The following BNC2 variants were observed in gnomAD, a reference collection of about 807,000 sequenced individuals.
BNC2 encodes the protein zinc finger protein basonuclin-2.
Under a neutral mutation model 76.3 loss-of-function variants are expected in BNC2, and 20 were observed. That is an observed-to-expected ratio of 0.26 (90% CI 0.18 to 0.38). The LOEUF (loss-of-function observed/expected upper bound fraction) is 0.38. Ranked by LOEUF, BNC2 falls within the 10% of genes least tolerant of loss-of-function variation. The probability of loss-of-function intolerance (pLI) is 1.00; values close to 1 mark genes in which losing one functional copy is unlikely to be tolerated. For synonymous variants in BNC2, 582 were observed against 514.8 expected (o/e 1.13, Z -1.77); for missense variants, 1,382 against 1,399.8 (o/e 0.99, Z 0.20).
chr9:16,835,052 T>C (rs533965583), intron 1 of BNC2, among the ~76,000 whole-genome samples: 1 of 152,296 alleles, frequency 6.6e-6, no homozygotes, highest in East Asian at 1.9e-4. Context: ...GCTTCATTCC[T>C]CTAGTATCAC....
intron 3 of BNC2, among the ~76,000 whole-genome samples, chr9:16,604,472 C>A (rs79975355): frequency 3.3e-5 from 5 of 152,054 alleles, no homozygotes; most frequent in Admixed American, 3.3e-4. Context: ...GCTAAACCTA[C>A]GCTAAAAGCC....
chr9:16,523,820 G>A (rs1181598236), intron 5 of BNC2, among the ~76,000 whole-genome samples: 1 of 152,042 alleles, frequency 6.6e-6, no homozygotes, highest in East Asian at 1.9e-4. Context: ...CAGCTACTTG[G>A]GAGGCTGAGG....
chr9:16,426,605 A>G (rs1215972777), intron 6 of BNC2, among the ~76,000 whole-genome samples: 1 of 152,216 alleles, frequency 6.6e-6, no homozygotes, highest in Non-Finnish European at 1.5e-5. Context: ...TGAAAATGAA[A>G]CTAATAAAGA....
At chr9:16,816,760 G>T (rs1486919721) in intron 1 of BNC2, among the ~76,000 whole-genome samples, 3 of 152,142 alleles carry the variant, frequency 2.0e-5, no homozygotes, top group African/African-American at 7.2e-5. Flanking sequence ...CTCCAAACTG[G>T]GAGGCTCAGG....
intron 5 of BNC2, among the ~76,000 whole-genome samples, chr9:16,516,303 G>C (rs538335367): frequency 6.6e-6 from 1 of 150,776 alleles, no homozygotes; most frequent in Non-Finnish European, 1.5e-5. Context: ...TGCCGCCTCA[G>C]GTATCAGAAC....
intron 5 of BNC2, among the ~76,000 whole-genome samples, chr9:16,487,587 T>C (rs1261730412): frequency 6.6e-6 from 1 of 152,162 alleles, no homozygotes; most frequent in African/African-American, 2.4e-5. Flanking sequence ...GTCTGACTTA[T>C]AAAATACCAT....
At chr9:16,570,288 TAC>T (rs1819284437) in intron 4 of BNC2, among the ~76,000 whole-genome samples, 1 of 152,198 alleles carries the variant, frequency 6.6e-6, no homozygotes, top group African/African-American at 2.4e-5. Context: ...GAAATTATTA[TAC>T]TCAGTCTTGA....
chr9:16,506,761 T>G (rs750881950), intron 5 of BNC2, among the ~76,000 whole-genome samples: 1 of 151,452 alleles, frequency 6.6e-6, no homozygotes, highest in Non-Finnish European at 1.5e-5. Context: ...TTTTTTTGTT[T>G]GTTTGTTTGT....
chr9:16,584,572 T>C lies in BNC2; in HGVS notation c.331-1487A>G, dbSNP rs528453526. On this transcript the variant is annotated intron_variant, in intron 3 of 6. Transcript: ENST00000380672. ...ATTTAGCACTAGGGAAATATTTAATTGTATAATCTCCCTGATATTTCAGGA... is the reference window on the plus strand; with the variant it reads ...ATTTAGCACTAGGGAAATATTTAATCGTATAATCTCCCTGATATTTCAGGA... Among the ~76,000 whole-genome samples the C allele has an allele frequency of 1.2e-4, 18 of 152,324 alleles. No individual in the cohort carries two copies. In the South Asian group the frequency reaches 3.7e-3, roughly 32 times the overall value.
intron 1 of BNC2, among the ~76,000 whole-genome samples, chr9:16,814,743 T>C (rs1023905926): frequency 6.6e-6 from 1 of 152,188 alleles, no homozygotes; most frequent in Non-Finnish European, 1.5e-5. Context: ...TTCAACATAA[T>C]GTGCCAAATG....
intron 5 of BNC2, among the ~76,000 whole-genome samples, chr9:16,498,970 C>T (rs1014931517): frequency 6.6e-6 from 1 of 152,156 alleles, no homozygotes; most frequent in African/African-American, 2.4e-5. Context: ...AAATACTAGA[C>T]AGATTGAACA....
chr9:16,764,973 A>C (rs1825651801), intron 1 of BNC2, among the ~76,000 whole-genome samples: 1 of 152,120 alleles, frequency 6.6e-6, no homozygotes, highest in Non-Finnish European at 1.5e-5. Flanking sequence ...CATCTTCTGT[A>C]AGGATACGAA....
At chr9:16,475,840 A>C (rs1821917495) in intron 5 of BNC2, among the ~76,000 whole-genome samples, 1 of 152,232 alleles carries the variant, frequency 6.6e-6, no homozygotes, top group South Asian at 2.1e-4. Context: ...TACAATTCCA[A>C]GCTTTAAGCT....
chr9:16,834,805 TA>T (rs894225726), intron 1 of BNC2, among the ~76,000 whole-genome samples: 1 of 152,180 alleles, frequency 6.6e-6, no homozygotes, highest in African/African-American at 2.4e-5. Flanking sequence ...ATAAATGGAT[TA>T]AGAGATAGTG....
intron 3 of BNC2, among the ~76,000 whole-genome samples, chr9:16,603,541 A>G (rs930129825): frequency 6.6e-6 from 1 of 152,180 alleles, no homozygotes; most frequent in Non-Finnish European, 1.5e-5. Context: ...GAGACGCTAA[A>G]CATATAGTAC....
At chr9:16,728,323 G>C (rs1824410817) in intron 2 of BNC2, 1 of 417,942 alleles carries the variant, frequency 2.4e-6, no homozygotes, top group African/African-American at 2.0e-5. Flanking sequence ...CTGTTCCACT[G>C]TCAGGCACCA....
intron 5 of BNC2, 41 bp downstream of exon 5, chr9:16,552,489 G>T: frequency 6.4e-7 from 1 of 1,572,082 alleles, no homozygotes; most frequent in Non-Finnish European, 8.7e-7. Flanking sequence ...CCCACCCACA[G>T]TCGGCCCCGG....
chr9:16,657,266 T>A (rs762612439), intron 3 of BNC2, among the ~76,000 whole-genome samples: 1 of 151,998 alleles, frequency 6.6e-6, no homozygotes, highest in Non-Finnish European at 1.5e-5. Flanking sequence ...GATACAAAGA[T>A]GAACTAGAAA....
chr9:16,774,373 G>A (rs1257788349), intron 1 of BNC2, among the ~76,000 whole-genome samples: 1 of 152,188 alleles, frequency 6.6e-6, no homozygotes, highest in Non-Finnish European at 1.5e-5. Flanking sequence ...TGGATCTGAT[G>A]AACCAAATGC....
Sources: allele counts gnomAD v4.1 joint callset (sites outside exome capture counted in the v4.1 genomes callset), GRCh38; gene constraint gnomAD v4.1.1; transcripts MANE v1.5; gene names NCBI Gene and HGNC (gene_info 2026-07-23, HGNC 2026-07-21).